CSMD1: variants seen among roughly 807,000 people sequenced by gnomAD.
The protein encoded by CSMD1 is CUB and Sushi multiple domains 1, also known as CUB and sushi domain-containing protein 1.
In CSMD1, 213 loss-of-function variants were observed where a neutral mutation model predicts 417.5. The ratio of observed to expected loss-of-function variants is 0.51; its 90% CI spans 0.46 to 0.57. CSMD1 has a LOEUF of 0.57. Ranked by LOEUF, CSMD1 falls within the 20% of genes least tolerant of loss-of-function variation. The pLI is 0.00. For synonymous variants in CSMD1, 2,862 were observed against 1,736.8 expected, an observed-to-expected ratio of 1.65 and a Z score of -16.11; for missense variants, 6,923 against 4,529.7, an observed-to-expected ratio of 1.53 and a Z score of -15.17.
intron 49 of CSMD1, among the ~76,000 whole-genome samples, chr8:3,078,883 C>A (rs909171081): frequency 6.6e-6 from 1 of 152,124 alleles, no homozygotes; most frequent in East Asian, 1.9e-4. Context: ...TGACTGCATG[C>A]GAGTTCCTTT....
At chr8:3,045,042 G>A (rs75621299) in intron 50 of CSMD1, among the ~76,000 whole-genome samples, 5,963 of 152,088 alleles carry the variant, frequency 0.039, 399 homozygotes, top group African/African-American at 0.13. Context: ...AAATTAAATC[G>A]GTTTTCCAGC....
intron 41 of CSMD1, among the ~76,000 whole-genome samples, chr8:3,130,602 G>A (rs948000415): frequency 3.9e-5 from 6 of 151,914 alleles, no homozygotes; most frequent in East Asian, 1.9e-4. Context: ...CTGACCTTCC[G>A]CTCCCAGTGC....
chr8:3,165,988 T>C (rs977778462), intron 37 of CSMD1, among the ~76,000 whole-genome samples: 10 of 152,118 alleles, frequency 6.6e-5, no homozygotes, highest in African/African-American at 1.2e-4. Context: ...AGGTCGTCTA[T>C]TGATGAATTT....
intron 3 of CSMD1, among the ~76,000 whole-genome samples, chr8:4,075,730 G>T (rs2552134): frequency 0.25 from 38,446 of 152,004 alleles, 5,032 homozygotes; most frequent in South Asian, 0.46. Flanking sequence ...CGGTTTGCAT[G>T]TTCTCAGGTT....
At chr8:3,227,639 C>G (rs939528421) in intron 27 of CSMD1, among the ~76,000 whole-genome samples, 2 of 151,944 alleles carry the variant, frequency 1.3e-5, no homozygotes, top group African/African-American at 4.8e-5. Context: ...GTTGTGCCTT[C>G]TAAAAAGATT....
At chr8:4,081,344 C>G (rs1200174646) in intron 3 of CSMD1, among the ~76,000 whole-genome samples, 2 of 152,124 alleles carry the variant, frequency 1.3e-5, no homozygotes, top group Non-Finnish European at 1.5e-5. Flanking sequence ...TAGGGTTAAA[C>G]AACAGGGTAT....
intron 1 of CSMD1, among the ~76,000 whole-genome samples, chr8:4,806,668 T>G (rs1563447250): frequency 1.3e-5 from 2 of 152,202 alleles, no homozygotes; most frequent in South Asian, 4.1e-4. Flanking sequence ...AAAGAAGCAT[T>G]TGAACCATGG....
intron 3 of CSMD1, among the ~76,000 whole-genome samples, chr8:4,183,374 T>A (rs1354048314): frequency 6.6e-6 from 1 of 152,216 alleles, no homozygotes; most frequent in African/African-American, 2.4e-5. Flanking sequence ...GGTAACTTCT[T>A]CTTTCAATAA....
At chr8:3,267,505 C>G (rs78456508) in intron 26 of CSMD1, among the ~76,000 whole-genome samples, 1 of 152,266 alleles carries the variant, frequency 6.6e-6, no homozygotes, top group African/African-American at 2.4e-5. Context: ...CTCAGGAGCT[C>G]TCCGGAGTCC....
chr8:3,133,996 G>A (rs1023301253), intron 41 of CSMD1, among the ~76,000 whole-genome samples: 1 of 152,044 alleles, frequency 6.6e-6, no homozygotes, highest in South Asian at 2.1e-4. Flanking sequence ...TGGCCAATGT[G>A]GTGAAACCCT....
At chr8:3,487,494 C>G (rs1818118489) in intron 11 of CSMD1, among the ~76,000 whole-genome samples, 1 of 152,178 alleles carries the variant, frequency 6.6e-6, no homozygotes, top group Admixed American at 6.5e-5. Context: ...AGCCACCATG[C>G]CCGGCCTATC....
chr8:4,067,402 TCC>T (rs1195394004), intron 3 of CSMD1, among the ~76,000 whole-genome samples: 14 of 152,204 alleles, frequency 9.2e-5, no homozygotes, highest in Non-Finnish European at 1.9e-4. Context: ...AAACAGTATT[TCC>T]TAGACTAATG....
chr8:3,108,331 G>C (rs1367982877), intron 44 of CSMD1, among the ~76,000 whole-genome samples: 2 of 152,052 alleles, frequency 1.3e-5, no homozygotes, highest in African/African-American at 4.8e-5. Context: ...ATCTATAAAA[G>C]GTACCAAATC....
chr8:3,820,807 T>C (rs183532271), intron 5 of CSMD1, among the ~76,000 whole-genome samples: 15 of 152,196 alleles, frequency 9.9e-5, no homozygotes, highest in Non-Finnish European at 1.8e-4. Context: ...TGATCTCCAA[T>C]TCCTGACCTC....
chr8:3,997,244 A>G (rs1815286896), intron 5 of CSMD1, among the ~76,000 whole-genome samples: 1 of 152,220 alleles, frequency 6.6e-6, no homozygotes. Flanking sequence ...CTCAAATGGC[A>G]CTTATGGACA....
intron 2 of CSMD1, among the ~76,000 whole-genome samples, chr8:4,606,506 T>C (rs1435164540): frequency 1.3e-5 from 2 of 152,180 alleles, no homozygotes; most frequent in African/African-American, 4.8e-5. Flanking sequence ...TGGTTCTGTG[T>C]GTGGCTGAAG....
At chr8:4,205,535 C>G (rs1328604085) in intron 3 of CSMD1, among the ~76,000 whole-genome samples, 2 of 152,104 alleles carry the variant, frequency 1.3e-5, no homozygotes, top group Non-Finnish European at 2.9e-5. Flanking sequence ...GATGATGAAA[C>G]TGACATTGAA....
At chr8:4,175,058 G>A (rs964951695) in intron 3 of CSMD1, among the ~76,000 whole-genome samples, 4 of 151,472 alleles carry the variant, frequency 2.6e-5, no homozygotes, top group African/African-American at 7.3e-5. Flanking sequence ...TGAACCCTGG[G>A]CATCTTTCAC....
At chr8:3,875,710 T>G (rs1276820208) in intron 5 of CSMD1, among the ~76,000 whole-genome samples, 2 of 152,108 alleles carry the variant, frequency 1.3e-5, no homozygotes, top group Non-Finnish European at 2.9e-5. Context: ...GGGCAGAATC[T>G]TCTCGAGTGG....
Sources: allele counts gnomAD v4.1 joint callset (sites outside exome capture counted in the v4.1 genomes callset), GRCh38; gene constraint gnomAD v4.1.1; transcripts MANE v1.5; gene names NCBI Gene and HGNC (gene_info 2026-07-23, HGNC 2026-07-21).